The following DTNB variants were observed in gnomAD, a reference collection of about 807,000 sequenced individuals.
DTNB encodes the protein dystrobrevin beta.
DTNB carries 63 observed loss-of-function variants against 90.7 expected under a neutral mutation model. That is an observed-to-expected ratio of 0.69 (90% CI 0.57 to 0.86). DTNB has a LOEUF of 0.86. DTNB is among the 40% of genes least tolerant of loss of function. The probability of loss-of-function intolerance (pLI) is 0.00; values close to 1 mark genes in which losing one functional copy is unlikely to be tolerated. For missense variants in DTNB, 744 were observed against 807.1 expected (o/e 0.92, Z 0.95); for synonymous variants, 277 against 286.7 (o/e 0.97, Z 0.34).
chr2:25,597,126 T>C (rs938814174), intron 5 of DTNB, among the ~76,000 whole-genome samples: 2 of 152,164 alleles, frequency 1.3e-5, no homozygotes, highest in Non-Finnish European at 1.5e-5. Flanking sequence ...ATTTTGAAGA[T>C]TCATCCAGCC....
chr2:25,454,481 AGCATG>A (rs1430838850), intron 11 of DTNB, among the ~76,000 whole-genome samples: 1 of 152,192 alleles, frequency 6.6e-6, no homozygotes, highest in African/African-American at 2.4e-5. Flanking sequence ...AGAATCTCAA[AGCATG>A]GCTTTCCAAG....
intron 4 of DTNB, among the ~76,000 whole-genome samples, chr2:25,626,422 G>C (rs1260134332): frequency 6.6e-6 from 1 of 152,044 alleles, no homozygotes; most frequent in Non-Finnish European, 1.5e-5. Context: ...ACTAAAAAAT[G>C]GCATTAGAAT....
At chr2:25,664,693 T>C (rs553967359) in intron 1 of DTNB, among the ~76,000 whole-genome samples, 2 of 152,278 alleles carry the variant, frequency 1.3e-5, no homozygotes, top group African/African-American at 2.4e-5. Flanking sequence ...TTTTTAAAAG[T>C]AGGTGAGAAG....
At chr2:25,501,409 T>A (rs1465934304) in intron 9 of DTNB, among the ~76,000 whole-genome samples, 4 of 152,158 alleles carry the variant, frequency 2.6e-5, no homozygotes, top group African/African-American at 9.7e-5. Context: ...AGATGGAGAC[T>A]CGCTCTGTCG....
intron 1 of DTNB, among the ~76,000 whole-genome samples, chr2:25,668,131 C>G (rs144142198): frequency 1.3e-5 from 2 of 151,942 alleles, no homozygotes; most frequent in Admixed American, 1.3e-4. Flanking sequence ...CCCAGCTACT[C>G]GGGAGGCTGA....
chr2:25,390,137 G>A (rs1157314322), intron 16 of DTNB, among the ~76,000 whole-genome samples: 1 of 152,128 alleles, frequency 6.6e-6, no homozygotes, highest in African/African-American at 2.4e-5. Flanking sequence ...ATGAATAATA[G>A]ATGGTATTTC....
chr2:25,400,857 T>A lies in DTNB; in HGVS notation c.1576-12496A>T, dbSNP rs74885017. 3.6e-3 allele frequency among the ~76,000 whole-genome samples: 551 copies of A among 152,276 alleles called. 10 individuals carry two copies. The East Asian group carries it at 0.039, about 11-fold the overall frequency. On this transcript the variant is annotated intron_variant, in intron 16 of 20. Coordinates refer to ENST00000406818, the MANE Select transcript of DTNB (RefSeq NM_021907.5). Reference sequence around the variant, plus strand: ...CCCTTGTATAACAGTTGGAAACAATTCTGTTGCAAATGTAGAGCCAGTGAA... The same window carrying A: ...CCCTTGTATAACAGTTGGAAACAATACTGTTGCAAATGTAGAGCCAGTGAA...
chr2:25,512,120 A>C, intron 9 of DTNB, among the ~76,000 whole-genome samples: 1 of 152,230 alleles, frequency 6.6e-6, no homozygotes, highest in South Asian at 2.1e-4. Context: ...GGGCCACTTT[A>C]CACCAAAGGA....
intron 3 of DTNB, among the ~76,000 whole-genome samples, chr2:25,633,923 A>C (rs1471833526): frequency 7.4e-6 from 1 of 135,450 alleles, no homozygotes; most frequent in Non-Finnish European, 1.6e-5. Context: ...AAGTGAGGAG[A>C]CCCTCCGCCT....
chr2:25,467,783 T>C (rs2062068125), intron 10 of DTNB, among the ~76,000 whole-genome samples: 1 of 152,190 alleles, frequency 6.6e-6, no homozygotes, highest in Admixed American at 6.5e-5. Context: ...GATGAAATGC[T>C]TATTGTTCTC....
chr2:25,410,771 G>T (rs1245024497), intron 16 of DTNB, among the ~76,000 whole-genome samples: 1 of 152,068 alleles, frequency 6.6e-6, no homozygotes, highest in African/African-American at 2.4e-5. Flanking sequence ...TTCCTGGAAT[G>T]TGCGATAAAA....
chr2:25,430,535 TG>T (rs1363242451), intron 14 of DTNB, among the ~76,000 whole-genome samples: 2 of 150,962 alleles, frequency 1.3e-5, no homozygotes, highest in Non-Finnish European at 3.0e-5. Flanking sequence ...GGGTAGGGGG[TG>T]GAGAGGGAAG....
intron 8 of DTNB, among the ~76,000 whole-genome samples, chr2:25,533,188 C>T (rs2078596639): frequency 6.6e-6 from 1 of 151,880 alleles, no homozygotes; most frequent in Non-Finnish European, 1.5e-5. Context: ...TTAGCTGGTG[C>T]GGTGGCATGT....
At chr2:25,391,550 C>T (rs942589505) in intron 16 of DTNB, among the ~76,000 whole-genome samples, 7 of 152,044 alleles carry the variant, frequency 4.6e-5, no homozygotes, top group East Asian at 1.9e-4. Context: ...GAGACATCAC[C>T]GCACACCCAC....
intron 16 of DTNB, chr2:25,399,350 C>CTTTTTTTCTTTTTTT (rs2043135592): frequency 8.3e-6 from 1 of 119,964 alleles, no homozygotes; most frequent in African/African-American, 3.7e-5. Context: ...CGCCCCTGAC[C>CTTTTTTTCTTTTTTT]TTTTTTTTTT....
intron 19 of DTNB, among the ~76,000 whole-genome samples, chr2:25,381,163 T>C (rs1348050680): frequency 1.3e-5 from 2 of 152,168 alleles, no homozygotes; most frequent in Non-Finnish European, 2.9e-5. Flanking sequence ...ACATTCCACA[T>C]GAATGCTAGG....
At chr2:25,521,668 G>A (rs1193741595) in intron 9 of DTNB, among the ~76,000 whole-genome samples, 1 of 152,118 alleles carries the variant, frequency 6.6e-6, no homozygotes, top group Admixed American at 6.5e-5. Flanking sequence ...AATGCTGGGT[G>A]AGCCACTGAG....
intron 9 of DTNB, among the ~76,000 whole-genome samples, chr2:25,489,270 C>T (rs1392940254): frequency 6.6e-6 from 1 of 152,108 alleles, no homozygotes; most frequent in Non-Finnish European, 1.5e-5. Context: ...AAAAATGTTT[C>T]AGGACAGATT....
chr2:25,654,767 C>A (rs1458237285), intron 1 of DTNB, among the ~76,000 whole-genome samples: 1 of 152,192 alleles, frequency 6.6e-6, no homozygotes, highest in African/African-American at 2.4e-5. Flanking sequence ...AACTAAATTT[C>A]AAACACTAGC....
Sources: allele counts gnomAD v4.1 joint callset (sites outside exome capture counted in the v4.1 genomes callset), GRCh38; gene constraint gnomAD v4.1.1; transcripts MANE v1.5; gene names NCBI Gene and HGNC (gene_info 2026-07-23, HGNC 2026-07-21).